ASMTL: variants seen among roughly 807,000 people sequenced by gnomAD.
ASMTL encodes the protein acetylserotonin O-methyltransferase like, also known as probable bifunctional dTTP/UTP pyrophosphatase/methyltransferase protein.
ASMTL carries 57 observed loss-of-function variants against 60.3 expected under a neutral mutation model. That is an observed-to-expected ratio of 0.95 (90% CI 0.76 to 1.18). The LOEUF is 1.18. ASMTL is among the 50% of genes most tolerant of loss of function. The pLI, the probability that ASMTL is intolerant of heterozygous loss-of-function variation, is 0.00. For synonymous variants in ASMTL, 419 were observed against 373.0 expected, an observed-to-expected ratio of 1.12 and a Z score of -1.42; for missense variants, 981 against 852.6, an observed-to-expected ratio of 1.15 and a Z score of -1.88.
intron 8 of ASMTL, among the ~76,000 whole-genome samples, chrX:1,423,222 G>A (rs776178508): frequency 6.6e-6 from 1 of 152,308 alleles, no homozygotes; most frequent in African/African-American, 2.4e-5. Flanking sequence ...CAAGTGCTGG[G>A]ATTACAGGCG....
chrX:1,447,610 A>C (rs1194346308), intron 1 of ASMTL, among the ~76,000 whole-genome samples: 1 of 149,954 alleles, frequency 6.7e-6, no homozygotes, highest in Non-Finnish European at 1.5e-5. Flanking sequence ...TTGGACACAC[A>C]CCGCCATCTT....
In ASMTL at chrX:1,438,711, A is replaced by G. The variant is rs772178333; in HGVS notation, c.273+386T>C. ...ATAGAATTAATGTAGCTTATCTGTT[A>G]CTATGTGTTATAATATTCTCTTGCA... On this transcript the variant is annotated intron_variant, in intron 3 of 12. Coordinates refer to ENST00000381317, the MANE Select transcript of ASMTL (RefSeq NM_004192.4). 4.6e-5 allele frequency among the ~76,000 whole-genome samples: 7 copies of G among 152,280 alleles called. No individual in the cohort carries two copies. The East Asian group carries it at 9.6e-4, about 21-fold the overall frequency.
At chrX:1,412,076 C>T (rs776408995) in intron 12 of ASMTL, among the ~76,000 whole-genome samples, 10 of 152,046 alleles carry the variant, frequency 6.6e-5, no homozygotes, top group South Asian at 2.1e-4. Context: ...CTCGGCCTCC[C>T]GAAGTGCGGG....
chrX:1,436,368 T>A (rs1444883091), intron 3 of ASMTL, among the ~76,000 whole-genome samples: 2 of 151,266 alleles, frequency 1.3e-5, no homozygotes, highest in Non-Finnish European at 2.9e-5. Flanking sequence ...TTATTTATTT[T>A]TTGAGACAGA....
intron 9 of ASMTL, among the ~76,000 whole-genome samples, chrX:1,419,575 CCTCCGA>C (rs1456501844): frequency 2.0e-5 from 3 of 151,888 alleles, no homozygotes; most frequent in Non-Finnish European, 2.9e-5. Context: ...AGGAGAAGCT[CCTCCGA>C]GCTTCTCCAA....
chrX:1,421,792 A>T lies in ASMTL; in HGVS notation c.1111T>A (p.Tyr371Asn). 1.2e-6 allele frequency: 2 copies of T among 1,613,826 alleles called. No individual in the cohort carries two copies. The highest frequency in any genetic ancestry group is 1.7e-6 in the Non-Finnish European group (2 of 1,179,836). The change falls in exon 9 of 13, where the codon TAC becomes AAC. Residue 371 changes from tyrosine to asparagine, a missense_variant. Tyr to Asn is a moderately radical substitution (Grantham distance 143). Coordinates refer to ENST00000381317, the MANE Select transcript of ASMTL (RefSeq NM_004192.4). ...TGCATGATGAAGCCGTGCAGAGAGTATTCGCCATCCGATGCCAGGTAGACG... is the reference window on the plus strand; with the variant it reads ...TGCATGATGAAGCCGTGCAGAGAGTTTTCGCCATCCGATGCCAGGTAGACG... ...ANVYLASDGEYSLHGFIMHNN... is the reference protein window; with the variant it reads ...ANVYLASDGENSLHGFIMHNN...
rs779101164 is a variant in ASMTL, at chrX:1,445,686, C to T, written c.94-3369G>A. Among the ~76,000 whole-genome samples, 52 of 152,188 alleles carry T rather than the reference C, an allele frequency of 3.4e-4. 1 individual carries two copies. The highest frequency in any genetic ancestry group is 6.2e-4 in the South Asian group (3 of 4,816). ...TTCCGGTATATGATAAAATATAAAA[C>T]GAGAAAGTTATACCAGATATAGATC... On this transcript the variant is annotated intron_variant, in intron 1 of 12. Transcript: ENST00000381317.
At position 1,406,611 on chromosome X, in the gene ASMTL, GGTAGGTAGATGGATGC is replaced by G. The variant is rs1224911928; in HGVS notation, c.1646-3138_1646-3123del. 1.2e-3 allele frequency among the ~76,000 whole-genome samples: 183 copies of G among 151,654 alleles called. 1 individual carries two copies. Among genetic ancestry groups the G allele is most frequent in the African/African-American group, 4.2e-3 (175 of 41,290 alleles). ...GGATGTATGGGTGAATAGATAGGTA[GGTAGGTAGATGGATGC>G]ATGGATGTGATGGATGGATGGGTGA... On this transcript the variant is annotated intron_variant, in intron 12 of 12. Coordinates refer to ENST00000381317, the MANE Select transcript of ASMTL (RefSeq NM_004192.4).
At chrX:1,450,583 G>A (rs1290335756) in intron 1 of ASMTL, among the ~76,000 whole-genome samples, 2 of 128,138 alleles carry the variant, frequency 1.6e-5, no homozygotes, top group African/African-American at 6.6e-5. Context: ...ATCCCTAGGG[G>A]CTCTGGGTCA....
intron 12 of ASMTL, among the ~76,000 whole-genome samples, chrX:1,407,985 G>A (rs749611631): frequency 2.6e-5 from 4 of 152,102 alleles, no homozygotes; most frequent in East Asian, 1.9e-4. Context: ...CAGGAGGATC[G>A]CTTGAGCCCA....
chrX:1,426,061 G>A (rs1323272565), intron 7 of ASMTL, among the ~76,000 whole-genome samples: 1 of 152,096 alleles, frequency 6.6e-6, no homozygotes, highest in Non-Finnish European at 1.5e-5. Flanking sequence ...TCATTTGGGT[G>A]GACCCTAATC....
chrX:1,444,199 AC>A (rs1218352691), intron 1 of ASMTL, among the ~76,000 whole-genome samples: 1 of 132,982 alleles, frequency 7.5e-6, no homozygotes, highest in Non-Finnish European at 1.6e-5. Flanking sequence ...TTGCTGAGCC[AC>A]TTTTTGTATT....
intron 8 of ASMTL, 124 bp from the exon 9 acceptor site, chrX:1,421,966 C>T: frequency 1.1e-6 from 1 of 889,776 alleles, no homozygotes; most frequent in Non-Finnish European, 1.8e-6. Flanking sequence ...AAACCGTACA[C>T]TCAAGGAAAC....
At chrX:1,426,290 A>T (rs1185165409) in intron 7 of ASMTL, among the ~76,000 whole-genome samples, 5 of 152,160 alleles carry the variant, frequency 3.3e-5, no homozygotes, top group Non-Finnish European at 7.4e-5. Flanking sequence ...TGGTGATTTA[A>T]TAATCACCAC....
At chrX:1,445,226 C>T (rs1251976081) in intron 1 of ASMTL, among the ~76,000 whole-genome samples, 2 of 152,104 alleles carry the variant, frequency 1.3e-5, no homozygotes, top group African/African-American at 2.4e-5. Flanking sequence ...TCAGCTTGGC[C>T]GTCCTCCTTA....
intron 12 of ASMTL, among the ~76,000 whole-genome samples, chrX:1,407,086 G>A (rs2089886892): frequency 6.7e-6 from 1 of 148,296 alleles, no homozygotes; most frequent in Non-Finnish European, 1.5e-5. Context: ...GAGATGGATG[G>A]GTGAACTGAT....
In ASMTL at chrX:1,452,433, TG is replaced by T. The variant is rs766921574; in HGVS notation, c.93+314del. Among the ~76,000 whole-genome samples, 835 of 143,702 alleles carry T rather than the reference TG, an allele frequency of 5.8e-3. 4 individuals are homozygous for T. The highest frequency in any genetic ancestry group is 9.8e-3 in the Non-Finnish European group (644 of 65,682). The allele number at this position is 143,702 out of a possible 152,430, so 94.3% of individuals were successfully genotyped here. A position where few individuals can be genotyped will look rare whatever the true frequency, so the allele number is the denominator to read the frequency against. Reference sequence around the variant, plus strand: ...CTGCTGTCCCCATCCCTAGCGGTCCTGGGTCACTCTACCCTCCCCATTCCTA... The same window carrying T: ...CTGCTGTCCCCATCCCTAGCGGTCCTGGTCACTCTACCCTCCCCATTCCTA... On this transcript the variant is annotated intron_variant, in intron 1 of 12. Coordinates refer to ENST00000381317, the MANE Select transcript of ASMTL (RefSeq NM_004192.4).
upstream of ASMTL, chrX:1,453,679 A>C (rs1272479317): frequency 2.1e-5 from 3 of 143,020 alleles, no homozygotes; most frequent in Admixed American, 2.1e-4. Flanking sequence ...CGGGGAAGGT[A>C]GAGATAGGGG....
At chrX:1,436,989 C>G (rs1391446181) in intron 3 of ASMTL, among the ~76,000 whole-genome samples, 1 of 152,124 alleles carries the variant, frequency 6.6e-6, no homozygotes, top group African/African-American at 2.4e-5. Flanking sequence ...CCTGAAGCCT[C>G]TCTCCTGGGC....
Sources: allele counts gnomAD v4.1 joint callset (sites outside exome capture counted in the v4.1 genomes callset), GRCh38; gene constraint gnomAD v4.1.1; transcripts MANE v1.5; gene names NCBI Gene and HGNC (gene_info 2026-07-23, HGNC 2026-07-21).